Variants in TGIF1 observed in about 807,000 individuals in gnomAD.
TGIF1 encodes homeobox protein TGIF1.
TGIF1 carries 4 observed loss-of-function variants against 19.3 expected under a neutral mutation model. The ratio of observed to expected loss-of-function variants is 0.21; its 90% confidence interval spans 0.10 to 0.47. TGIF1 has a LOEUF of 0.47. Among genes scored for constraint, TGIF1 ranks in the 20% least tolerant of loss-of-function variants. The pLI, the probability that TGIF1 is intolerant of heterozygous loss-of-function variation, is 0.98. For synonymous variants in TGIF1, 122 were observed against 129.3 expected, an observed-to-expected ratio of 0.94 and a Z score of 0.38; for missense variants, 275 against 341.4, an observed-to-expected ratio of 0.81 and a Z score of 1.53.
At chr18:3,422,156 T>C (rs2082407158) in intron 2 of TGIF1, among the ~76,000 whole-genome samples, 1 of 143,608 alleles carries the variant, frequency 7.0e-6, no homozygotes, top group Non-Finnish European at 1.5e-5. Flanking sequence ...ATGGCGCCAC[T>C]GCACTCCAGC....
At chr18:3,421,420 C>T (rs919981333) in intron 2 of TGIF1, among the ~76,000 whole-genome samples, 1 of 140,828 alleles carries the variant, frequency 7.1e-6, no homozygotes, top group African/African-American at 2.6e-5. Context: ...TATATATACA[C>T]ACATATTTGA....
intron 2 of TGIF1, among the ~76,000 whole-genome samples, chr18:3,442,761 T>C (rs960686291): frequency 2.8e-4 from 42 of 151,970 alleles, no homozygotes; most frequent in Admixed American, 1.2e-3. Context: ...AAAATAATGT[T>C]ATGAATAAGC....
chr18:3,439,881 C>T (rs1380284062), intron 2 of TGIF1, among the ~76,000 whole-genome samples: 1 of 151,754 alleles, frequency 6.6e-6, no homozygotes, highest in East Asian at 1.9e-4. Flanking sequence ...ATCAGCCAGG[C>T]GTTGTCGTGG....
chr18:3,455,726 A>G (rs983993782), intron 1 of TGIF1: 1 of 156,562 alleles, frequency 6.4e-6, no homozygotes, highest in African/African-American at 2.4e-5. Context: ...AAATGTGGAT[A>G]GCAATGAATA....
upstream of TGIF1, among the ~76,000 whole-genome samples, chr18:3,449,183 C>T (rs1055025490): frequency 3.9e-5 from 6 of 152,146 alleles, no homozygotes; most frequent in Non-Finnish European, 8.8e-5. Context: ...CCAACAGGAA[C>T]GGGTGTTTAC....
chr18:3,423,887 C>T (rs1460472101), intron 2 of TGIF1, among the ~76,000 whole-genome samples: 1 of 151,948 alleles, frequency 6.6e-6, no homozygotes, highest in Non-Finnish European at 1.5e-5. Flanking sequence ...GCACACCTGC[C>T]CTCGTTTCTT....
At position 3,457,401 on chromosome 18, in the gene TGIF1, C is replaced by T; in HGVS notation, c.280C>T (p.Leu94Phe). ...NWFINARRRL[L>F]PDMLRKDGKD... ...GTTCATCAACGCCCGCCGCAGGCTC[C>T]TCCCTGACATGCTGAGAAAGGATGG... is the stretch of plus-strand genomic sequence containing the variant. Residue 94 changes from leucine (L) to phenylalanine (F), a missense_variant, in exon 3 of 3, where the codon CTC (leucine) becomes TTC (phenylalanine). Leu to Phe is a conservative substitution (Grantham distance 22). Transcript: ENST00000343820. This position sits in a 1 kb window ranked among gnomAD's most constrained non-coding sequence, Gnocchi z 4.9. 1 of 1,614,202 alleles carries T rather than the reference C, an allele frequency of 6.2e-7. No homozygotes were observed. Among genetic ancestry groups the T allele is most frequent in the Non-Finnish European group, 8.5e-7 (1 of 1,180,034 alleles).
rs889812359 is a variant in TGIF1, at chr18:3,458,657, T to C, written c.*717T>C. ...CTGCATGGCAAATTGAAATGAATCA[T>C]TTTAGTGTTTAGCTAGCCACTAAAT... On this transcript the variant is annotated 3_prime_UTR_variant, in exon 3 of 3. Transcript: ENST00000343820. 1 of 153,062 alleles carries C rather than the reference T, an allele frequency of 6.5e-6. No individual in the cohort carries two copies. The highest frequency in any genetic ancestry group is 2.4e-5 in the African/African-American group (1 of 41,460). 9.5% of individuals were successfully genotyped at this position (153,062 alleles called of 1,614,324 possible).
chr18:3,456,213 C>G lies in TGIF1; in HGVS notation c.17-141C>G. On this transcript the variant is annotated intron_variant, in intron 1 of 2. Coordinates refer to ENST00000343820, the MANE Select transcript of TGIF1 (RefSeq NM_003244.4). This position sits in a 1 kb window ranked among gnomAD's most constrained non-coding sequence, Gnocchi z 4.2. Reference sequence around the variant, plus strand: ...ACTACTTTTACTTGGACCCTGAATTCAGGACAGAAAACACTGCTCCTTCTC... The same window carrying G: ...ACTACTTTTACTTGGACCCTGAATTGAGGACAGAAAACACTGCTCCTTCTC... The G allele has an allele frequency of 1.1e-6, 1 of 876,492 alleles. No individual in the cohort carries two copies. The allele number at this position is 876,492 out of a possible 1,614,324, so 54.3% of individuals were successfully genotyped here.
chr18:3,440,039 G>A (rs552788456), intron 2 of TGIF1, among the ~76,000 whole-genome samples: 181 of 149,852 alleles, frequency 1.2e-3, no homozygotes, highest in African/African-American at 4.3e-3. Context: ...AAAAAAAAAA[G>A]TACTGATTTA....
At chr18:3,440,278 G>A (rs1338456708) in intron 2 of TGIF1, among the ~76,000 whole-genome samples, 1 of 151,730 alleles carries the variant, frequency 6.6e-6, no homozygotes, top group Non-Finnish European at 1.5e-5. Context: ...TTGAACCTGG[G>A]AGGCAGAGGT....
chr18:3,414,582 C>T lies in TGIF1; in HGVS notation c.-118+2328C>T, dbSNP rs2082307598. On this transcript the variant is annotated intron_variant, in intron 1 of 3. Transcript: ENST00000401449. ...TCTAGTAACGGTCCCTTGGCTCTAC[C>T]CAGTGAACTTAAAGAGGTGACCCAT... Among the ~76,000 whole-genome samples, 3 of 152,120 alleles carry T rather than the reference C, an allele frequency of 2.0e-5. No individual in the cohort carries two copies. The South Asian group carries it at 6.2e-4, about 32-fold the overall frequency.
chr18:3,434,242 T>A (rs2082587050), intron 2 of TGIF1, among the ~76,000 whole-genome samples: 1 of 151,542 alleles, frequency 6.6e-6, no homozygotes, highest in African/African-American at 2.4e-5. Context: ...ATACAAAAAT[T>A]AGCTGGGCCT....
At chr18:3,447,655 T>A (rs534684627), upstream of TGIF1, 72 of 1,514,030 alleles carry the variant, frequency 4.8e-5, 1 homozygote, top group African/African-American at 8.7e-4. Context: ...ACGGGAGCGG[T>A]TGGGCTGTAA....
At chr18:3,431,477 CATAA>C (rs529141474) in intron 2 of TGIF1, among the ~76,000 whole-genome samples, 29 of 151,846 alleles carry the variant, frequency 1.9e-4, no homozygotes, top group Admixed American at 4.6e-4. Context: ...ATAATTAAAT[CATAA>C]ATAAATAAAT....
chr18:3,413,840 T>C (rs1195800663), intron 1 of TGIF1, among the ~76,000 whole-genome samples: 1 of 152,232 alleles, frequency 6.6e-6, no homozygotes, highest in African/African-American at 2.4e-5. Flanking sequence ...GCTGCCGTAA[T>C]AAAAATAACA....
upstream of TGIF1, among the ~76,000 whole-genome samples, chr18:3,445,723 C>CAAAAAAAAAAAAA (rs141550400): frequency 1.7e-4 from 3 of 17,694 alleles, no homozygotes; most frequent in Admixed American, 1.4e-3. Flanking sequence ...GACTCTGTCT[C>CAAAAAAAAAAAAA]AAAAAAAAAA....
At chr18:3,450,074 C>T, upstream of TGIF1, 1 of 1,034,714 alleles carries the variant, frequency 9.7e-7, no homozygotes, top group Non-Finnish European at 1.2e-6. Context: ...CTGGAAGGTG[C>T]GGGGGAGGGG....
chr18:3,413,419 G>A (rs554512053), intron 1 of TGIF1, among the ~76,000 whole-genome samples: 2 of 152,202 alleles, frequency 1.3e-5, no homozygotes, highest in African/African-American at 2.4e-5. Context: ...GATTTGATTC[G>A]AATTTTATTA....
Sources: gnomAD v4.1 joint callset for allele counts (sites outside exome capture counted in the v4.1 genomes callset) on GRCh38, gnomAD v4.1.1 for gene constraint, Gnocchi (gnomAD v3.1) non-coding constraint, MANE v1.5 for transcripts, NCBI Gene and HGNC (gene_info 2026-07-23, HGNC 2026-07-21) for gene names.